Variants in CSRNP3 observed in about 807,000 individuals in gnomAD.
CSRNP3 encodes cysteine and serine rich nuclear protein 3.
CSRNP3 carries 12 observed loss-of-function variants against 48.0 expected under a neutral mutation model. The observed-to-expected ratio is 0.25, with a 90% CI of 0.16 to 0.41. The LOEUF is 0.41. Ranked by LOEUF, CSRNP3 falls within the 10% of genes least tolerant of loss-of-function variation. CSRNP3 has a pLI of 1.00. For synonymous variants in CSRNP3, 263 were observed against 269.7 expected (o/e 0.98, Z 0.24); for missense variants, 580 against 724.4 (o/e 0.80, Z 2.29).
At chr2:165,558,446 A>T (rs987332577) in intron 3 of CSRNP3, among the ~76,000 whole-genome samples, 1 of 152,196 alleles carries the variant, frequency 6.6e-6, no homozygotes, top group Non-Finnish European at 1.5e-5. Context: ...GTTTTACATA[A>T]GTTAGTGAGC....
At chr2:165,641,801 A>C (rs1052971608) in intron 4 of CSRNP3, among the ~76,000 whole-genome samples, 2 of 152,196 alleles carry the variant, frequency 1.3e-5, no homozygotes, top group Non-Finnish European at 2.9e-5. Flanking sequence ...AAATTTTTTG[A>C]GAAGTGCTCT....
intron 4 of CSRNP3, among the ~76,000 whole-genome samples, chr2:165,627,517 G>A (rs911773939): frequency 1.3e-5 from 2 of 152,134 alleles, no homozygotes; most frequent in East Asian, 1.9e-4. Flanking sequence ...GTCTGCTAGA[G>A]ATAGCCTTTT....
At chr2:165,607,239 T>C (rs796506654) in intron 4 of CSRNP3, among the ~76,000 whole-genome samples, 26 of 152,248 alleles carry the variant, frequency 1.7e-4, no homozygotes, top group African/African-American at 6.3e-4. Flanking sequence ...ACTAGTTTTC[T>C]TTTGTGTATC....
intron 3 of CSRNP3, among the ~76,000 whole-genome samples, chr2:165,565,172 G>A (rs1038827328): frequency 2.6e-5 from 4 of 152,030 alleles, no homozygotes; most frequent in Admixed American, 6.6e-5. Flanking sequence ...GGTTGTCAGC[G>A]AAAGTTATCA....
chr2:165,474,198 A>AT (rs903543070), intron 1 of CSRNP3, among the ~76,000 whole-genome samples: 2 of 151,984 alleles, frequency 1.3e-5, no homozygotes, highest in South Asian at 2.1e-4. Context: ...TTAAATTTAT[A>AT]TTTTTTTATT....
At chr2:165,603,768 C>G (rs1244305750) in intron 4 of CSRNP3, among the ~76,000 whole-genome samples, 1 of 152,106 alleles carries the variant, frequency 6.6e-6, no homozygotes, top group East Asian at 1.9e-4. Flanking sequence ...TGTTTTCAAA[C>G]TCAGCTACTT....
intron 4 of CSRNP3, among the ~76,000 whole-genome samples, chr2:165,641,778 A>T (rs1213679186): frequency 6.6e-6 from 1 of 152,186 alleles, no homozygotes; most frequent in Non-Finnish European, 1.5e-5. Flanking sequence ...TCCAAATGAT[A>T]AAGGAAACAT....
In CSRNP3 at chr2:165,624,737, T is replaced by G. The variant is rs1269982917; in HGVS notation, c.148+29524T>G. On this transcript the variant is annotated intron_variant, in intron 4 of 6. Coordinates refer to ENST00000651982, the MANE Select transcript of CSRNP3 (RefSeq NM_001172173.2). ...TCCCCTGCCTCTCCCTATTTCCTCC[T>G]CCTTCCCATCACCTCTTTCCTTTAT... Among the ~76,000 whole-genome samples, 4 of 152,262 alleles carry G rather than the reference T, an allele frequency of 2.6e-5. No homozygotes were observed. The South Asian group carries it at 6.2e-4, about 24-fold the overall frequency.
chr2:165,600,056 T>C (rs1379538745), intron 4 of CSRNP3, among the ~76,000 whole-genome samples: 4 of 147,972 alleles, frequency 2.7e-5, no homozygotes, highest in Non-Finnish European at 3.0e-5. Flanking sequence ...TAGCATTAGG[T>C]ATATCTCCTA....
At chr2:165,502,919 T>A (rs1338304253) in intron 2 of CSRNP3, among the ~76,000 whole-genome samples, 23 of 151,900 alleles carry the variant, frequency 1.5e-4, no homozygotes, top group Admixed American at 1.5e-3. Flanking sequence ...TTTATGTATT[T>A]AATCATTTGC....
intron 5 of CSRNP3, among the ~76,000 whole-genome samples, chr2:165,662,313 A>G (rs765922920): frequency 6.6e-6 from 1 of 152,148 alleles, no homozygotes; most frequent in Non-Finnish European, 1.5e-5. Context: ...AACAAATCCA[A>G]TTCTATTTGG....
intron 3 of CSRNP3, among the ~76,000 whole-genome samples, chr2:165,565,947 C>T (rs1007245633): frequency 6.6e-6 from 1 of 151,916 alleles, no homozygotes; most frequent in East Asian, 1.9e-4. Flanking sequence ...CTTTCTTAAC[C>T]TTTAATCGGG....
intron 1 of CSRNP3, among the ~76,000 whole-genome samples, chr2:165,492,078 A>G (rs964415633): frequency 6.6e-6 from 1 of 151,338 alleles, no homozygotes; most frequent in African/African-American, 2.4e-5. Context: ...TTATTCCCCA[A>G]CTCCCACCCC....
chr2:165,572,906 A>G (rs1685394424), intron 3 of CSRNP3, among the ~76,000 whole-genome samples: 1 of 152,198 alleles, frequency 6.6e-6, no homozygotes, highest in Non-Finnish European at 1.5e-5. Context: ...CTACTGACAA[A>G]TAGTTCACAT....
intron 3 of CSRNP3, among the ~76,000 whole-genome samples, chr2:165,591,383 G>T (rs1054438876): frequency 4.6e-5 from 7 of 152,142 alleles, no homozygotes; most frequent in Non-Finnish European, 8.8e-5. Flanking sequence ...TGATAGAAAA[G>T]AAAAACCCAT....
At chr2:165,569,715 T>C (rs951543694) in intron 3 of CSRNP3, among the ~76,000 whole-genome samples, 2 of 152,040 alleles carry the variant, frequency 1.3e-5, no homozygotes, top group Non-Finnish European at 2.9e-5. Context: ...AGAGCCACCA[T>C]TGTTCATTGT....
chr2:165,583,076 T>C (rs957987753), intron 3 of CSRNP3, among the ~76,000 whole-genome samples: 2 of 152,236 alleles, frequency 1.3e-5, no homozygotes, highest in Non-Finnish European at 2.9e-5. Context: ...CAGCAGCATT[T>C]TTCACATTGG....
intron 3 of CSRNP3, among the ~76,000 whole-genome samples, chr2:165,573,359 T>C (rs962041924): frequency 6.6e-6 from 1 of 152,222 alleles, no homozygotes; most frequent in Non-Finnish European, 1.5e-5. Flanking sequence ...TCTTTATGTA[T>C]ATTTATAAAA....
intron 4 of CSRNP3, among the ~76,000 whole-genome samples, chr2:165,613,914 GT>G (rs760130577): frequency 0.021 from 3,108 of 145,608 alleles, 104 homozygotes; most frequent in African/African-American, 0.072. Context: ...CTTTTAGAGT[GT>G]TTTTTTTTTT....
Sources: gnomAD v4.1 joint callset for allele counts (sites outside exome capture counted in the v4.1 genomes callset) on GRCh38, gnomAD v4.1.1 for gene constraint, MANE v1.5 for transcripts, NCBI Gene and HGNC (gene_info 2026-07-23, HGNC 2026-07-21) for gene names.